Variants in GPC5 observed in about 807,000 individuals in gnomAD.
GPC5 encodes the protein glypican-5.
Under a neutral mutation model 53.9 loss-of-function variants are expected in GPC5, and 47 were observed. The ratio of observed to expected loss-of-function variants is 0.87; its 90% CI spans 0.69 to 1.11. GPC5 has a LOEUF of 1.11. Among genes scored for constraint, GPC5 ranks in the 50% most tolerant of loss-of-function variants. The pLI is 0.00. For missense variants in GPC5, 748 were observed against 713.1 expected (o/e 1.05, Z -0.56); for synonymous variants, 286 against 263.3 (o/e 1.09, Z -0.84).
intron 3 of GPC5, among the ~76,000 whole-genome samples, chr13:91,722,077 G>A (rs1185137304): frequency 6.6e-6 from 1 of 151,982 alleles, no homozygotes; most frequent in Non-Finnish European, 1.5e-5. Flanking sequence ...AGCTAAACAA[G>A]AACAAAAATT....
chr13:92,483,265 C>T (rs1879423712), intron 7 of GPC5, among the ~76,000 whole-genome samples: 1 of 152,134 alleles, frequency 6.6e-6, no homozygotes, highest in African/African-American at 2.4e-5. Context: ...CATGAGCATA[C>T]TTACACCAAC....
chr13:92,631,421 G>T (rs1271966639), intron 7 of GPC5, among the ~76,000 whole-genome samples: 2 of 152,030 alleles, frequency 1.3e-5, no homozygotes, highest in Non-Finnish European at 2.9e-5. Context: ...AGGTTAACAT[G>T]CTAGCTATGT....
At chr13:92,321,517 T>A (rs1055274641) in intron 7 of GPC5, among the ~76,000 whole-genome samples, 1 of 152,070 alleles carries the variant, frequency 6.6e-6, no homozygotes, top group African/African-American at 2.4e-5. Context: ...GGCAGAAGAA[T>A]CACTTGAACC....
intron 5 of GPC5, among the ~76,000 whole-genome samples, chr13:91,785,981 C>A (rs1231224548): frequency 6.6e-6 from 1 of 152,008 alleles, no homozygotes; most frequent in Non-Finnish European, 1.5e-5. Context: ...TCACTCTCTA[C>A]TACAATGATT....
intron 2 of GPC5, among the ~76,000 whole-genome samples, chr13:91,671,286 T>C (rs574850526): frequency 3.3e-5 from 5 of 152,314 alleles, no homozygotes; most frequent in African/African-American, 1.2e-4. Flanking sequence ...GGAATAGTCT[T>C]GATACTTGAG....
chr13:92,663,197 G>T (rs758715782), intron 7 of GPC5, among the ~76,000 whole-genome samples: 1 of 152,082 alleles, frequency 6.6e-6, no homozygotes, highest in Non-Finnish European at 1.5e-5. Flanking sequence ...TCTGAAATTC[G>T]GAGAATAATT....
At chr13:91,448,492 A>C (rs572092441) in intron 1 of GPC5, among the ~76,000 whole-genome samples, 1 of 152,364 alleles carries the variant, frequency 6.6e-6, no homozygotes, top group South Asian at 2.1e-4. Context: ...TGTACTTCAT[A>C]GTAGTTAATT....
intron 2 of GPC5, among the ~76,000 whole-genome samples, chr13:91,649,311 T>C (rs529370928): frequency 2.0e-5 from 3 of 152,208 alleles, no homozygotes; most frequent in Non-Finnish European, 4.4e-5. Context: ...TCTTTCTCTG[T>C]TCTGTACCAT....
At chr13:92,462,824 C>T (rs1878545110) in intron 7 of GPC5, among the ~76,000 whole-genome samples, 1 of 150,280 alleles carries the variant, frequency 6.7e-6, no homozygotes, top group South Asian at 2.1e-4. Context: ...TCAAGTGATT[C>T]TCCTGCCTCA....
At chr13:92,766,782 C>A (rs1875422103) in intron 7 of GPC5, among the ~76,000 whole-genome samples, 1 of 152,214 alleles carries the variant, frequency 6.6e-6, no homozygotes, top group Non-Finnish European at 1.5e-5. Flanking sequence ...TTTAAGGGAA[C>A]TTGCCTCCTG....
intron 6 of GPC5, among the ~76,000 whole-genome samples, chr13:91,965,154 G>A (rs1411487688): frequency 6.6e-6 from 1 of 151,936 alleles, no homozygotes; most frequent in Non-Finnish European, 1.5e-5. Context: ...AATGGGTGCA[G>A]CACACCAACA....
chr13:91,913,323 C>A (rs573317630), intron 6 of GPC5, among the ~76,000 whole-genome samples: 1 of 150,650 alleles, frequency 6.6e-6, no homozygotes, highest in Non-Finnish European at 1.5e-5. Context: ...CGCTTGAACC[C>A]GGGAGATGGA....
At chr13:92,728,567 T>C (rs941435484) in intron 7 of GPC5, among the ~76,000 whole-genome samples, 1 of 149,602 alleles carries the variant, frequency 6.7e-6, no homozygotes, top group African/African-American at 2.5e-5. Flanking sequence ...ATTAAAATAC[T>C]TTCCACTTCT....
chr13:92,033,935 G>A (rs2040873263), intron 6 of GPC5, among the ~76,000 whole-genome samples: 1 of 152,088 alleles, frequency 6.6e-6, no homozygotes, highest in Non-Finnish European at 1.5e-5. Flanking sequence ...TGAAAAACAA[G>A]GGAATTGTTT....
At chr13:91,726,983 T>C (rs2036588816) in intron 3 of GPC5, among the ~76,000 whole-genome samples, 1 of 152,204 alleles carries the variant, frequency 6.6e-6, no homozygotes, top group Non-Finnish European at 1.5e-5. Flanking sequence ...CTCTTCTTGC[T>C]ACACCCATTT....
chr13:91,942,522 A>C (rs2039936770), intron 6 of GPC5, among the ~76,000 whole-genome samples: 1 of 152,036 alleles, frequency 6.6e-6, no homozygotes, highest in Non-Finnish European at 1.5e-5. Flanking sequence ...TTACTTTCAT[A>C]CTTGGAAGTG....
intron 7 of GPC5, among the ~76,000 whole-genome samples, chr13:92,584,044 A>G (rs915662580): frequency 6.6e-6 from 1 of 152,188 alleles, no homozygotes; most frequent in African/African-American, 2.4e-5. Flanking sequence ...GAATTGCCCA[A>G]TTTTAGATAT....
intron 7 of GPC5, among the ~76,000 whole-genome samples, chr13:92,604,571 C>T (rs1036497114): frequency 2.6e-5 from 4 of 152,204 alleles, no homozygotes; most frequent in South Asian, 2.1e-4. Flanking sequence ...TATGCAATTG[C>T]GTAGATTAAT....
chr13:92,805,583 C>A (rs1340272572), intron 7 of GPC5, among the ~76,000 whole-genome samples: 1 of 151,934 alleles, frequency 6.6e-6, no homozygotes, highest in African/African-American at 2.4e-5. Flanking sequence ...ACTACAGGTG[C>A]ACACCACCAT....
Sources: allele counts gnomAD v4.1 joint callset (sites outside exome capture counted in the v4.1 genomes callset), GRCh38; gene constraint gnomAD v4.1.1; transcripts MANE v1.5; gene names NCBI Gene and HGNC (gene_info 2026-07-23, HGNC 2026-07-21).